The following VPS8 variants were observed in gnomAD, a reference collection of about 807,000 sequenced individuals.
VPS8 encodes VPS8 subunit of CORVET complex.
VPS8 carries 129 observed loss-of-function variants against 216.4 expected under a neutral mutation model. That is an observed-to-expected ratio of 0.60 (90% confidence interval 0.52 to 0.69). The LOEUF (loss-of-function observed/expected upper bound fraction) is 0.69, where lower values mean the gene tolerates loss of function less well. VPS8 is among the 30% of genes least tolerant of loss of function. The pLI is 0.00. For missense variants in VPS8, 1,531 were observed against 1,683.5 expected, an observed-to-expected ratio of 0.91 and a Z score of 1.59; for synonymous variants, 571 against 565.4, an observed-to-expected ratio of 1.01 and a Z score of -0.14.
chr3:184,886,561 ATTC>A (rs1378171311), intron 22 of VPS8, among the ~76,000 whole-genome samples: 1 of 150,868 alleles, frequency 6.6e-6, no homozygotes, highest in African/African-American at 2.4e-5. Context: ...ACACACACAC[ATTC>A]TTCTTTTTTT....
chr3:184,996,200 C>G, intron 43 of VPS8, 132 bp from the exon 44 acceptor site: 1 of 1,071,820 alleles, frequency 9.3e-7, no homozygotes. Flanking sequence ...ACAATGTTAT[C>G]CCTTTATAGT....
At chr3:184,849,618 G>T in intron 9 of VPS8, 1 of 300,292 alleles carries the variant, frequency 3.3e-6, no homozygotes, top group Non-Finnish European at 6.1e-6. Flanking sequence ...TAGCTAGTTT[G>T]GCAGTAAGCC....
intron 3 of VPS8, among the ~76,000 whole-genome samples, chr3:184,830,453 TTC>T (rs1491364575): frequency 7.1e-6 from 1 of 140,780 alleles, no homozygotes; most frequent in African/African-American, 3.0e-5. Context: ...AGTTTATCAG[TTC>T]ACACACACAC....
At chr3:185,024,454 C>A in intron 46 of VPS8, 65 bp downstream of exon 46, 1 of 1,445,868 alleles carries the variant, frequency 6.9e-7, no homozygotes, top group Non-Finnish European at 9.5e-7. Flanking sequence ...CTATGTGGAA[C>A]AATATTCTCA....
At chr3:184,843,365 C>A in intron 8 of VPS8, 120 bp downstream of exon 8, 3 of 651,310 alleles carry the variant, frequency 4.6e-6, no homozygotes, top group South Asian at 5.4e-5. Context: ...AAAAACCCAG[C>A]TAATTGAAAA....
intron 1 of VPS8, among the ~76,000 whole-genome samples, chr3:184,816,778 C>G (rs761477534): frequency 6.6e-6 from 1 of 152,056 alleles, no homozygotes; most frequent in African/African-American, 2.4e-5. Context: ...GCACAGGTGA[C>G]GTGAACTGCT....
chr3:184,964,426 T>C (rs6799328), intron 37 of VPS8, 42 bp from the exon 38 acceptor site: 942,508 of 1,318,052 alleles, frequency 0.72, 341,949 homozygotes, highest in African/African-American at 0.84. Context: ...ACTCCACAAA[T>C]AAGATTGGTG....
At chr3:184,905,841 G>GTT (rs981665888) in intron 25 of VPS8, among the ~76,000 whole-genome samples, 2 of 150,800 alleles carry the variant, frequency 1.3e-5, no homozygotes, top group Admixed American at 6.6e-5. Flanking sequence ...AAATGAAGAG[G>GTT]TTTTTTTTTA....
Position 184,849,105 on chromosome 3 carries a change from C to T in VPS8, c.576C>T (p.Ser192=), listed in dbSNP as rs1723752813. Reference sequence around the variant, plus strand: ...AAGCTTTGCGACTCTGTCTGGGTAGCACTAGTGTTGGAGGTCAGTATGGCG... The same window carrying T: ...AAGCTTTGCGACTCTGTCTGGGTAGTACTAGTGTTGGAGGTCAGTATGGCG... ...QNQALRLCLG[S]TSVGGQYGAI... is the part of the protein sequence containing the mutation. Residue 192 remains serine (S), a synonymous_variant, in exon 9 of 48, where the codon AGC becomes AGT. Coordinates refer to ENST00000625842, the MANE Select transcript of VPS8 (RefSeq NM_001009921.3). 2.5e-6 allele frequency: 4 copies of T among 1,613,450 alleles called. No individual in the cohort carries two copies. The highest frequency in any genetic ancestry group is 2.5e-6 in the Non-Finnish European group (3 of 1,179,518).
chr3:184,867,972 A>G (rs747853340), intron 17 of VPS8, 52 bp from the exon 18 acceptor site: 14 of 1,595,186 alleles, frequency 8.8e-6, no homozygotes, highest in Non-Finnish European at 1.1e-5. Context: ...TGTATCTCCC[A>G]AAGAAGTCTG....
chr3:184,964,535 G>A lies in VPS8; in HGVS notation c.3251G>A (p.Gly1084Asp), dbSNP rs1489437136. The change falls in exon 38 of 48, where the codon GGT becomes GAT. Residue 1084 changes from glycine (G) to aspartate (D), a missense_variant. By Grantham distance (94) the Gly-to-Asp change is moderately conservative (BLOSUM62 -1). Coordinates refer to ENST00000625842, the MANE Select transcript of VPS8 (RefSeq NM_001009921.3). ...TTGGAAAAGAAAGGAGATATTCATG[G>A]TGCCTTCCTAATAATGTTAGAGGTA... The part of the protein sequence containing the change: ...YLLEKKGDIH[G>D]AFLIMLERLQ... 2.0e-6 allele frequency: 3 copies of A among 1,517,468 alleles called. No individual in the cohort carries two copies. The highest frequency in any genetic ancestry group is 2.7e-6 in the Non-Finnish European group (3 of 1,126,786). The allele number at this position is 1,517,468 out of a possible 1,614,324, so 94.0% of individuals were successfully genotyped here. A position where few individuals can be genotyped will look rare whatever the true frequency, so the allele number is the denominator to read the frequency against.
chr3:184,826,460 A>G (rs552187492), intron 3 of VPS8, among the ~76,000 whole-genome samples: 48 of 152,358 alleles, frequency 3.2e-4, no homozygotes, highest in African/African-American at 1.2e-3. Flanking sequence ...AGTGGCTACT[A>G]TATGGCTAGG....
intron 46 of VPS8, among the ~76,000 whole-genome samples, chr3:185,024,957 G>A (rs188728853): frequency 4.6e-5 from 7 of 151,800 alleles, no homozygotes; most frequent in East Asian, 1.9e-4. Flanking sequence ...AGTCAAGATC[G>A]AGCCACTGCA....
rs1390212364 is a variant in VPS8 at position 184,855,737 on chromosome 3, G to A, written c.1062G>A (p.Leu354=). Residue 354 remains leucine (L), a synonymous_variant, in exon 14 of 48, where the codon CTG becomes CTA. Coordinates refer to ENST00000625842, the MANE Select transcript of VPS8 (RefSeq NM_001009921.3). ...GRMDPSSVPL[L]AWHFVAVQNY... ...TGGATCCTTCCAGTGTGCCACTGCT[G>A]GCCTGGCACTTTGTAGCAGTACAAA... 43 of 1,613,200 alleles carry A rather than the reference G, an allele frequency of 2.7e-5. No homozygotes were observed. Among genetic ancestry groups the A allele is most frequent in the Non-Finnish European group, 3.6e-5 (42 of 1,179,728 alleles).
At chr3:184,937,379 A>G (rs1741826115) in intron 35 of VPS8, among the ~76,000 whole-genome samples, 2 of 152,192 alleles carry the variant, frequency 1.3e-5, no homozygotes, top group South Asian at 4.1e-4. Flanking sequence ...CAGAGCAGTG[A>G]GTAGGAGGTA....
intron 1 of VPS8, among the ~76,000 whole-genome samples, chr3:184,815,347 A>G (rs1716089769): frequency 6.6e-6 from 1 of 152,208 alleles, no homozygotes; most frequent in South Asian, 2.1e-4. Flanking sequence ...TTACATCAGC[A>G]TCACCACAGA....
At chr3:184,834,520 CAG>C in intron 4 of VPS8, 127 bp from the exon 5 acceptor site, 1 of 668,408 alleles carries the variant, frequency 1.5e-6, no homozygotes, top group Non-Finnish European at 2.4e-6. Context: ...GAAAAAAAAA[CAG>C]ATCTAACAAA....
intron 45 of VPS8, among the ~76,000 whole-genome samples, chr3:185,008,133 C>A (rs902073295): frequency 1.3e-5 from 2 of 151,998 alleles, no homozygotes; most frequent in African/African-American, 4.8e-5. Context: ...AGAGTATATT[C>A]AACATTAAAC....
intron 43 of VPS8, 44 bp downstream of exon 43, chr3:184,994,107 A>G: frequency 7.2e-7 from 1 of 1,386,842 alleles, no homozygotes; most frequent in Non-Finnish European, 9.6e-7. Context: ...CTAAGGTAGA[A>G]AAATGCTATT....
Sources: allele counts gnomAD v4.1 joint callset (sites outside exome capture counted in the v4.1 genomes callset), GRCh38; gene constraint gnomAD v4.1.1; transcripts MANE v1.5; gene names NCBI Gene and HGNC (gene_info 2026-07-23, HGNC 2026-07-21).